Variants in GABBR1 observed in about 807,000 individuals in gnomAD.
GABBR1 encodes the protein GABA-B receptor, R1 subunit.
A neutral mutation model predicts 117.7 loss-of-function variants in GABBR1; 35 were observed. The ratio of observed to expected loss-of-function variants is 0.30; its 90% CI spans 0.23 to 0.39. The LOEUF (loss-of-function observed/expected upper bound fraction) is 0.39, where lower values mean the gene tolerates loss of function less well. Among genes scored for constraint, GABBR1 ranks in the 10% least tolerant of loss-of-function variants. The pLI is 1.00. For synonymous variants in GABBR1, 442 were observed against 486.6 expected, an observed-to-expected ratio of 0.91 and a Z score of 1.21; for missense variants, 709 against 1,241.8, an observed-to-expected ratio of 0.57 and a Z score of 6.45.
Position 29,609,214 on chromosome 6 carries a change from A to C in GABBR1, c.1859+15T>G. 1.9e-6 allele frequency: 3 copies of C among 1,612,460 alleles called. No individual in the cohort carries two copies. ...CAGAGAGGCAGACAAGGAAAACGTC[A>C]GAAGAGAAACTTACCGGACATGTGA... On this transcript the variant is annotated intron_variant, in intron 15 of 22. Transcript: ENST00000377034. This position sits in a 1 kb window ranked among gnomAD's most constrained non-coding sequence, Gnocchi z 4.3.
Position 29,606,245 on chromosome 6 carries a change from G to A in GABBR1, c.2311+146C>T. 1.5e-6 allele frequency: 1 copy of A among 673,814 alleles called. No individual in the cohort carries two copies. The highest frequency in any genetic ancestry group is 2.7e-6 in the Non-Finnish European group (1 of 372,146). The allele number at this position is 673,814 out of a possible 1,614,324, so 41.7% of individuals were successfully genotyped here. A position where few individuals can be genotyped will look rare whatever the true frequency, so the allele number is the denominator to read the frequency against. On this transcript the variant is annotated intron_variant, in intron 19 of 22. Transcript: ENST00000377034. The surrounding 1 kb of genome is among the most constrained non-coding windows in gnomAD (Gnocchi z 4.5). Reference sequence around the variant, plus strand: ...TCCCCTATTCTCAGAAAAGATTAGTGCAATAACAAAGAGTAGGGTGTTCAA... The same window carrying A: ...TCCCCTATTCTCAGAAAAGATTAGTACAATAACAAAGAGTAGGGTGTTCAA...
At chr6:29,612,493 T>TCCCAG in intron 13 of GABBR1, 58 bp downstream of exon 13, 1 of 1,485,108 alleles carries the variant, frequency 6.7e-7, no homozygotes, top group Admixed American at 1.7e-5. Flanking sequence ...CCAGGGGGCA[T>TCCCAG]CCCAGCCCAG....
Position 29,631,338 on chromosome 6 carries a change from G to T in GABBR1, c.289+58C>A. On this transcript the variant is annotated intron_variant, in intron 3 of 22. Transcript: ENST00000377034. The surrounding 1 kb of genome is among the most constrained non-coding windows in gnomAD (Gnocchi z 5.9). ...GCTGACTTGCAAGCAGTAATGCTAA[G>T]TTTGCGGCAGGAAAAGGAATAGTCT... The T allele has an allele frequency of 6.5e-7, 1 of 1,536,250 alleles. No homozygotes were observed. The highest frequency in any genetic ancestry group is 9.0e-7 in the Non-Finnish European group (1 of 1,112,886).
At position 29,622,983 on chromosome 6, in the gene GABBR1, T is replaced by C. The variant is rs538064797; in HGVS notation, c.963+322A>G. Among the ~76,000 whole-genome samples, 1 of 151,526 alleles carries C rather than the reference T, an allele frequency of 6.6e-6. No individual in the cohort carries two copies. Among genetic ancestry groups the C allele is most frequent in the East Asian group, 1.9e-4 (1 of 5,142 alleles). The stretch of plus-strand genomic sequence containing the variant: ...AATCTGCTGCCTTCCTGGATTCCTA[T>C]CTCATCTTCGCTCCCATCTCTTGCC... On this transcript the variant is annotated intron_variant, in intron 8 of 22. Coordinates refer to ENST00000377034, the MANE Select transcript of GABBR1 (RefSeq NM_001470.4). This position sits in a 1 kb window ranked among gnomAD's most constrained non-coding sequence, Gnocchi z 4.6.
chr6:29,630,400 A>G lies in GABBR1; in HGVS notation c.475+58T>C. On this transcript the variant is annotated intron_variant, in intron 4 of 22. Coordinates refer to ENST00000377034, the MANE Select transcript of GABBR1 (RefSeq NM_001470.4). This position sits in a 1 kb window ranked among gnomAD's most constrained non-coding sequence, Gnocchi z 4.9. ...CTTTCCCATTATCCATTCCCACCCC[A>G]CTCCCATCCTCACACAAGCGTCCTC... The G allele has an allele frequency of 6.9e-7, 1 of 1,450,726 alleles. No individual in the cohort carries two copies. The allele number at this position is 1,450,726 out of a possible 1,614,324, so 89.9% of individuals were successfully genotyped here. A position where few individuals can be genotyped will look rare whatever the true frequency, so the allele number is the denominator to read the frequency against.
rs775529848 is a variant in GABBR1, at chr6:29,613,269, T to A, written c.1540A>T (p.Asn514Tyr). 1 of 1,612,982 alleles carries A rather than the reference T, an allele frequency of 6.2e-7. No individual in the cohort carries two copies. Among genetic ancestry groups the A allele is most frequent in the East Asian group, 2.2e-5 (1 of 44,890 alleles). Residue 514 changes from asparagine to tyrosine, a missense_variant, in exon 12 of 23, where the codon AAC becomes TAC. By Grantham distance (143) the Asn-to-Tyr change is moderately radical. Around this residue, in one of 9 missense-constraint regions of GABBR1, gnomAD observed 38 missense variants for 47.7 expected, o/e 0.80. Coordinates refer to ENST00000377034, the MANE Select transcript of GABBR1 (RefSeq NM_001470.4). This position sits in a 1 kb window ranked among gnomAD's most constrained non-coding sequence, Gnocchi z 4.1. ...GAGACACCCTCAAAGGACGAAGAGTTCATTGCCCGGTAGATTTGGTCGGTA... is the reference window on the plus strand; with the variant it reads ...GAGACACCCTCAAAGGACGAAGAGTACATTGCCCGGTAGATTTGGTCGGTA... ...TITDQIYRAM[N>Y]SSSFEGVSGH...
rs1763958741 is a variant in GABBR1 at position 29,623,415 on chromosome 6, G to A, written c.853C>T (p.Arg285Ter). The change falls in exon 8 of 23, where the codon CGA (arginine) becomes TGA (stop). Residue 285 changes from arginine (R) to a stop codon, truncating the protein, a stop_gained. Coordinates refer to ENST00000377034, the MANE Select transcript of GABBR1 (RefSeq NM_001470.4). LOFTEE classifies it high-confidence loss of function. This position sits in a 1 kb window ranked among gnomAD's most constrained non-coding sequence, Gnocchi z 6.2. ...TGGAGTGTGGCTGATGGGTGCGTTCGGAAGAAAGTGGGGAAACGCTGCCGG... is the reference window on the plus strand; with the variant it reads ...TGGAGTGTGGCTGATGGGTGCGTTCAGAAGAAAGTGGGGAAACGCTGCCGG... ...SNRQRFPTFF[R>*]THPSATLHNP... 1.2e-6 allele frequency: 2 copies of A among 1,614,130 alleles called. No homozygotes were observed. Among genetic ancestry groups the A allele is most frequent in the South Asian group, 1.1e-5 (1 of 91,068 alleles).
Position 29,604,777 on chromosome 6 carries a change from G to T in GABBR1, c.2568+83C>A. The T allele has an allele frequency of 1.3e-6, 2 of 1,583,424 alleles. No homozygotes were observed. Among genetic ancestry groups the T allele is most frequent in the Non-Finnish European group, 1.7e-6 (2 of 1,161,030 alleles). On this transcript the variant is annotated intron_variant, in intron 21 of 22. Transcript: ENST00000377034. The surrounding 1 kb of genome is among the most constrained non-coding windows in gnomAD (Gnocchi z 5.3). ...AGGAGTGAGAGGAGGGTGAACGGAA[G>T]GGCAGAGGAACTCAGTAATATAGGA... is the stretch of plus-strand genomic sequence containing the variant.
chr6:29,615,609 T>TAAAAAAAAA (rs28751302), intron 11 of GABBR1, among the ~76,000 whole-genome samples: 4 of 121,420 alleles, frequency 3.3e-5, no homozygotes, highest in Admixed American at 8.6e-5. Context: ...ACTCTGCCTT[T>TAAAAAAAAA]AAAAAAAAAA....
Position 29,631,731 on chromosome 6 carries a change from G to T in GABBR1, c.86-132C>A. 1.4e-6 allele frequency: 1 copy of T among 727,690 alleles called. No homozygotes were observed. Among genetic ancestry groups the T allele is most frequent in the Non-Finnish European group, 2.4e-6 (1 of 423,550 alleles). The allele number at this position is 727,690 out of a possible 1,614,324, so 45.1% of individuals were successfully genotyped here. A position where few individuals can be genotyped will look rare whatever the true frequency, so the allele number is the denominator to read the frequency against. ...CTGGGGACAGAGGAAGAGGGATGGG[G>T]CACTAGAGGGTGGGAGTGGGGACAG... On this transcript the variant is annotated intron_variant, in intron 2 of 22. Transcript: ENST00000377034. This position sits in a 1 kb window ranked among gnomAD's most constrained non-coding sequence, Gnocchi z 5.9.
Position 29,606,370 on chromosome 6 carries a change from C to T in GABBR1, c.2311+21G>A, listed in dbSNP as rs920357974. On this transcript the variant is annotated intron_variant, in intron 19 of 22. Coordinates refer to ENST00000377034, the MANE Select transcript of GABBR1 (RefSeq NM_001470.4). This position sits in a 1 kb window ranked among gnomAD's most constrained non-coding sequence, Gnocchi z 4.5. ...CCTGCCTTTGTGCATCCCTGCCCTC[C>T]TTTGCCCACATCCCACACACCAAGC... 9.5e-6 allele frequency: 15 copies of T among 1,584,674 alleles called. No individual in the cohort carries two copies. Among genetic ancestry groups the T allele is most frequent in the African/African-American group, 1.3e-5 (1 of 74,286 alleles).
rs1437370231 is a variant in GABBR1 at position 29,611,811 on chromosome 6, T to G, written c.1630+740A>C. ...TCTACAAAAGCCAAGCTATACACAT[T>G]GAAGCTTTACACAGCAAGGAAATTT... On this transcript the variant is annotated intron_variant, in intron 13 of 22. Transcript: ENST00000377034. This position sits in a 1 kb window ranked among gnomAD's most constrained non-coding sequence, Gnocchi z 4.6. Among the ~76,000 whole-genome samples the G allele has an allele frequency of 6.6e-6, 1 of 152,022 alleles. No homozygotes were observed. Among genetic ancestry groups the G allele is most frequent in the Non-Finnish European group, 1.5e-5 (1 of 68,010 alleles).
At chr6:29,615,227 G>C (rs1193380415) in intron 11 of GABBR1, among the ~76,000 whole-genome samples, 1 of 151,136 alleles carries the variant, frequency 6.6e-6, no homozygotes, top group African/African-American at 2.4e-5. Flanking sequence ...AGGAGGTGGA[G>C]GTTACAGTGA....
At chr6:29,628,032 G>C in intron 5 of GABBR1, 1 of 1,235,730 alleles carries the variant, frequency 8.1e-7, no homozygotes, top group South Asian at 3.0e-5. Context: ...GAGGGGAGGA[G>C]GAGGAGCAGG....
Position 29,609,898 on chromosome 6 carries a change from G to A in GABBR1, c.1709-519C>T, listed in dbSNP as rs939007214. On this transcript the variant is annotated intron_variant, in intron 14 of 22. Transcript: ENST00000377034. The surrounding 1 kb of genome is among the most constrained non-coding windows in gnomAD (Gnocchi z 4.3). ...AAGCTAATCTGAAATTTTAATCCTG[G>A]CAGGGTAATATTCCCAAATATGTTT... 1.3e-5 allele frequency among the ~76,000 whole-genome samples: 2 copies of A among 151,712 alleles called. No homozygotes were observed. Among genetic ancestry groups the A allele is most frequent in the African/African-American group, 2.4e-5 (1 of 41,298 alleles).
chr6:29,621,694 C>G lies in GABBR1; in HGVS notation c.1131+58G>C, dbSNP rs2127431246. 2.0e-5 allele frequency: 30 copies of G among 1,493,976 alleles called. No homozygotes were observed. In the South Asian group the frequency reaches 3.4e-4, roughly 17 times the overall value. The allele number at this position is 1,493,976 out of a possible 1,614,324, so 92.5% of individuals were successfully genotyped here. On this transcript the variant is annotated intron_variant, in intron 10 of 22. Coordinates refer to ENST00000377034, the MANE Select transcript of GABBR1 (RefSeq NM_001470.4). This position sits in a 1 kb window ranked among gnomAD's most constrained non-coding sequence, Gnocchi z 5.0. ...GCACAGATGCCAAGAGGAGGCCCCA[C>G]AAGAAAACCAAGGGAAACTCCCACC... is the stretch of plus-strand genomic sequence containing the variant.
Position 29,603,635 on chromosome 6 carries a change from G to A in GABBR1, c.2794C>T (p.Pro932Ser). 1.3e-6 allele frequency: 2 copies of A among 1,534,114 alleles called. No homozygotes were observed. Among genetic ancestry groups the A allele is most frequent in the Non-Finnish European group, 1.7e-6 (2 of 1,146,204 alleles). Reference protein sequence around the residue: ...LRSRRHPPTPPEPSGGLPRGP... With the variant: ...LRSRRHPPTPSEPSGGLPRGP... The stretch of plus-strand genomic sequence containing the variant: ...CTGGGCAGGCCCCCAGAGGGTTCTG[G>A]GGGTGTCGGTGGGTGGCGCCGGGAG... Residue 932 changes from proline to serine, a missense_variant, in exon 23 of 23, where the codon CCA becomes TCA. This residue lies in a region of GABBR1 where 69 missense variants were observed against 64.3 expected (regional missense o/e 1.07). Coordinates refer to ENST00000377034, the MANE Select transcript of GABBR1 (RefSeq NM_001470.4).
At position 29,620,204 on chromosome 6, in the gene GABBR1, G is replaced by A. The variant is rs1763602812; in HGVS notation, c.1323+897C>T. ...TCATTTTCCTGGTCTACAAAATGTA[G>A]ATAAGTCCACATCAGAGTTTTGCTG... is the stretch of plus-strand genomic sequence containing the variant. On this transcript the variant is annotated intron_variant, in intron 11 of 22. Coordinates refer to ENST00000377034, the MANE Select transcript of GABBR1 (RefSeq NM_001470.4). This position sits in a 1 kb window ranked among gnomAD's most constrained non-coding sequence, Gnocchi z 4.5. Among the ~76,000 whole-genome samples, 1 of 152,176 alleles carries A rather than the reference G, an allele frequency of 6.6e-6. No individual in the cohort carries two copies. Among genetic ancestry groups the A allele is most frequent in the African/African-American group, 2.4e-5 (1 of 41,428 alleles).
intron 5 of GABBR1, chr6:29,628,096 C>T: frequency 1.1e-5 from 1 of 93,040 alleles, no homozygotes; most frequent in Non-Finnish European, 1.8e-5. Context: ...CGCGCGGCAG[C>T]GGGGGGTGGG....
Sources: allele counts gnomAD v4.1 joint callset (sites outside exome capture counted in the v4.1 genomes callset), GRCh38; gene constraint gnomAD v4.1.1; regional missense constraint gnomAD v4.1.1; non-coding constraint Gnocchi (gnomAD v3.1); transcripts MANE v1.5; gene names NCBI Gene and HGNC (gene_info 2026-07-23, HGNC 2026-07-21).